Variants in RTN4 observed in about 807,000 individuals in gnomAD.
The protein encoded by RTN4 is reticulon-4.
Under a neutral mutation model 90.4 loss-of-function variants are expected in RTN4, and 32 were observed. The observed-to-expected ratio is 0.35, with a 90% CI of 0.27 to 0.48. RTN4 has a LOEUF of 0.48. Among genes scored for constraint, RTN4 ranks in the 20% least tolerant of loss-of-function variants. The probability of loss-of-function intolerance (pLI) is 0.99; values close to 1 mark genes in which losing one functional copy is unlikely to be tolerated. For synonymous variants in RTN4, 629 were observed against 552.5 expected, an observed-to-expected ratio of 1.14 and a Z score of -1.94; for missense variants, 1,706 against 1,430.2, an observed-to-expected ratio of 1.19 and a Z score of -3.11.
At position 55,025,274 on chromosome 2, in the gene RTN4, C is replaced by G. The variant is rs1681741859; in HGVS notation, c.2825G>C (p.Gly942Ala). 6.2e-7 allele frequency: 1 copy of G among 1,613,778 alleles called. No individual in the cohort carries two copies. The highest frequency in any genetic ancestry group is 8.5e-7 in the Non-Finnish European group (1 of 1,179,844). Residue 942 changes from glycine (G) to alanine (A), a missense_variant, in exon 3 of 9, where the codon GGG (glycine) becomes GCG (alanine). Coordinates refer to ENST00000337526, the MANE Select transcript of RTN4 (RefSeq NM_020532.5). ...TAAGAGCACCTTTGATGTAGCAGAC[C>G]CATTTTTAGAAAAGTCATCTGAGAA... ...ISFSDDFSKN[G>A]SATSKVLLLP...
In RTN4 at chr2:54,979,602, G is replaced by T. The variant is rs572930285; in HGVS notation, c.3360+2913C>A. On this transcript the variant is annotated intron_variant, in intron 5 of 8. Transcript: ENST00000337526. ...TACTACTCATATACAATGACATTAG[G>T]AAAGGGTTTAGCTAAATTCTTGTGT... Among the ~76,000 whole-genome samples the T allele has an allele frequency of 5.3e-5, 8 of 152,282 alleles. No homozygotes were observed. In the East Asian group the frequency reaches 1.5e-3, roughly 29 times the overall value.
chr2:55,011,672 T>G (rs996825455), intron 3 of RTN4, among the ~76,000 whole-genome samples: 4 of 152,014 alleles, frequency 2.6e-5, no homozygotes, highest in Non-Finnish European at 5.9e-5. Flanking sequence ...TAATATATAC[T>G]CCTATTATGT....
chr2:55,049,365 T>C (rs1045208261), intron 1 of RTN4, among the ~76,000 whole-genome samples: 2 of 152,148 alleles, frequency 1.3e-5, no homozygotes, highest in Admixed American at 1.3e-4. Flanking sequence ...TGCCAAGGCC[T>C]TTCCTTCCTC....
At position 55,022,972 on chromosome 2, in the gene RTN4, AC is replaced by A. The variant is rs572521113; in HGVS notation, c.3013+2113del. Among the ~76,000 whole-genome samples, 455 of 148,218 alleles carry A rather than the reference AC, an allele frequency of 3.1e-3. 2 individuals carry two copies. The highest frequency in any genetic ancestry group is 6.9e-3 in the Middle Eastern group (2 of 288). ...TGCATTCTTTCTCTCCCCTACTTTG[AC>A]CACAATCTCCTATCATTCTGGCATG... On this transcript the variant is annotated intron_variant, in intron 3 of 8. Coordinates refer to ENST00000337526, the MANE Select transcript of RTN4 (RefSeq NM_020532.5).
intron 1 of RTN4, among the ~76,000 whole-genome samples, chr2:55,104,461 G>A (rs554071949): frequency 9.2e-5 from 14 of 151,758 alleles, no homozygotes; most frequent in African/African-American, 3.1e-4. Context: ...CATGATTCTC[G>A]TGCTTCAGCC....
the RTN4 span, among the ~76,000 whole-genome samples, chr2:55,120,228 G>A: frequency 6.6e-6 from 1 of 152,214 alleles, no homozygotes; most frequent in African/African-American, 2.4e-5. Flanking sequence ...GCCGAAGGAA[G>A]CAAAGGTTCT....
At chr2:55,101,536 A>G (rs1667852680) in intron 1 of RTN4, among the ~76,000 whole-genome samples, 1 of 152,164 alleles carries the variant, frequency 6.6e-6, no homozygotes, top group East Asian at 1.9e-4. Context: ...TTTTATATAT[A>G]TGCAAAACCA....
intron 1 of RTN4, among the ~76,000 whole-genome samples, chr2:55,108,782 A>G (rs1230921235): frequency 6.6e-6 from 1 of 152,070 alleles, no homozygotes; most frequent in African/African-American, 2.4e-5. Context: ...AAAAACCGCA[A>G]TTACTTTTGC....
At chr2:55,048,314 C>T (rs1035015185) in intron 1 of RTN4, among the ~76,000 whole-genome samples, 6 of 152,268 alleles carry the variant, frequency 3.9e-5, no homozygotes, top group African/African-American at 1.4e-4. Flanking sequence ...AGACACTCTA[C>T]GGTTAGGCTA....
intron 1 of RTN4, among the ~76,000 whole-genome samples, chr2:55,035,484 G>A (rs1166588550): frequency 6.6e-6 from 1 of 152,126 alleles, no homozygotes; most frequent in African/African-American, 2.4e-5. Flanking sequence ...TGCTTAGAGA[G>A]AAATGTATAG....
At chr2:55,028,019 G>A in intron 2 of RTN4, 145 bp downstream of exon 2, 1 of 631,444 alleles carries the variant, frequency 1.6e-6, no homozygotes, top group Non-Finnish European at 2.6e-6. Flanking sequence ...CATATAAAAT[G>A]CACATTTCAA....
chr2:55,014,501 G>C (rs1170743258), intron 3 of RTN4: 1 of 151,392 alleles, frequency 6.6e-6, no homozygotes, highest in Non-Finnish European at 1.5e-5. Context: ...TCCAATTTTA[G>C]TATGTGCTGC....
At chr2:55,097,946 C>T (rs985207884) in intron 1 of RTN4, among the ~76,000 whole-genome samples, 2 of 151,996 alleles carry the variant, frequency 1.3e-5, no homozygotes, top group African/African-American at 4.8e-5. Flanking sequence ...AGCACTCCCG[C>T]CCCTCCTCAT....
upstream of RTN4, among the ~76,000 whole-genome samples, chr2:55,114,491 G>A (rs1668090179): frequency 1.3e-5 from 2 of 152,168 alleles, no homozygotes; most frequent in South Asian, 4.1e-4. Context: ...TTGAGGTCAG[G>A]AGTTCGAGAC....
At chr2:55,065,578 T>C (rs868494562) in intron 2 of RTN4, among the ~76,000 whole-genome samples, 13 of 152,114 alleles carry the variant, frequency 8.5e-5, no homozygotes, top group Admixed American at 7.9e-4. Flanking sequence ...ACTATAAAAA[T>C]GGTTTGCAAT....
In RTN4 at chr2:54,991,354, G is replaced by A. The variant is rs923407132; in HGVS notation, c.3014-3656C>T. Among the ~76,000 whole-genome samples the A allele has an allele frequency of 1.1e-4, 17 of 152,118 alleles. 2 individuals carry two copies. Among genetic ancestry groups the A allele is most frequent in the Non-Finnish European group, 1.5e-5 (1 of 68,020 alleles). ...TAACAGAGTTACTGTTTAAACAGGT[G>A]TAGTGACTATATATGAATTATTTAT... On this transcript the variant is annotated intron_variant, in intron 3 of 8. Coordinates refer to ENST00000337526, the MANE Select transcript of RTN4 (RefSeq NM_020532.5).
chr2:55,096,791 A>T (rs1667731852), intron 1 of RTN4, among the ~76,000 whole-genome samples: 1 of 151,188 alleles, frequency 6.6e-6, no homozygotes, highest in African/African-American at 2.5e-5. Context: ...ATGCTGCAGC[A>T]GTTACTGTTT....
chr2:55,105,427 G>A (rs1041443809), intron 1 of RTN4, among the ~76,000 whole-genome samples: 10 of 151,370 alleles, frequency 6.6e-5, no homozygotes, highest in Non-Finnish European at 1.3e-4. Flanking sequence ...ATGGGTTTTC[G>A]CCATGTTGGC....
Position 55,059,242 on chromosome 2 carries a change from T to C in RTN4, c.-63+21247A>G, listed in dbSNP as rs148115052. The stretch of plus-strand genomic sequence containing the variant: ...AAAAATAAGGTATTTGTTGGGACTT[T>C]TTACTTTTTGTTTTGCCTGTGCTGA... On this transcript the variant is annotated intron_variant, in intron 2 of 3. Coordinates refer to the RTN4 transcript ENST00000427710. Among the ~76,000 whole-genome samples, 330 of 152,290 alleles carry C rather than the reference T, an allele frequency of 2.2e-3. 1 individual carries two copies. Among genetic ancestry groups the C allele is most frequent in the African/African-American group, 6.9e-3 (287 of 41,546 alleles).
Sources: gnomAD v4.1 joint callset for allele counts (sites outside exome capture counted in the v4.1 genomes callset) on GRCh38, gnomAD v4.1.1 for gene constraint, MANE v1.5 for transcripts, NCBI Gene and HGNC (gene_info 2026-07-23, HGNC 2026-07-21) for gene names.